The following DNAH17 variants were observed in gnomAD, a reference collection of about 807,000 sequenced individuals.
DNAH17 encodes the protein dynein axonemal heavy chain 17, also known as axonemal beta dynein heavy chain 17.
Under a neutral mutation model 485.6 loss-of-function variants are expected in DNAH17, and 376 were observed. The ratio of observed to expected loss-of-function variants is 0.77; its 90% confidence interval spans 0.71 to 0.84. The LOEUF (loss-of-function observed/expected upper bound fraction) is 0.84. Ranked by LOEUF, DNAH17 falls within the 40% of genes least tolerant of loss-of-function variation. The pLI is 0.00. For missense variants in DNAH17, 6,370 were observed against 5,839.3 expected (o/e 1.09, Z -2.96); for synonymous variants, 3,031 against 2,405.9 (o/e 1.26, Z -7.60).
At chr17:78,564,133 G>C (rs1328649428) in intron 11 of DNAH17, among the ~76,000 whole-genome samples, 1 of 152,020 alleles carries the variant, frequency 6.6e-6, no homozygotes, top group East Asian at 1.9e-4. Context: ...CTCCTCACAG[G>C]GTAGGGGCCT....
At chr17:78,473,271 G>A (rs914402415) in intron 54 of DNAH17, among the ~76,000 whole-genome samples, 2 of 152,150 alleles carry the variant, frequency 1.3e-5, no homozygotes, top group South Asian at 2.1e-4. Flanking sequence ...ATGGCCGGGC[G>A]CAGTGGCTCA....
chr17:78,553,283 GTTTTTTTTTT>G (rs60587420), intron 14 of DNAH17, among the ~76,000 whole-genome samples: 6 of 51,018 alleles, frequency 1.2e-4, no homozygotes, highest in African/African-American at 5.4e-4. Flanking sequence ...AGGTTTTTGT[GTTTTTTTTTT>G]TTTTTTTTTT....
intron 48 of DNAH17, among the ~76,000 whole-genome samples, chr17:78,481,832 T>C (rs767448050): frequency 1.5e-4 from 23 of 152,138 alleles, no homozygotes; most frequent in Middle Eastern, 3.4e-3. Flanking sequence ...CTGGCTAGCA[T>C]AGTGAAACCC....
At chr17:78,469,798 C>T (rs763886917) in intron 54 of DNAH17, among the ~76,000 whole-genome samples, 6 of 152,278 alleles carry the variant, frequency 3.9e-5, no homozygotes, top group Middle Eastern at 3.4e-3. Flanking sequence ...CAGGACATGA[C>T]GCTGAGTAAA....
intron 75 of DNAH17, among the ~76,000 whole-genome samples, chr17:78,429,667 G>A (rs1045284404): frequency 2.6e-5 from 4 of 152,124 alleles, no homozygotes; most frequent in African/African-American, 4.8e-5. Context: ...ATCGGAACTC[G>A]CTCCCTCTGC....
intron 16 of DNAH17, among the ~76,000 whole-genome samples, chr17:78,548,616 A>G (rs2091831503): frequency 6.6e-6 from 1 of 152,240 alleles, no homozygotes; most frequent in African/African-American, 2.4e-5. Context: ...ATGCTGCACA[A>G]TCTTTGAACA....
intron 14 of DNAH17, among the ~76,000 whole-genome samples, chr17:78,553,098 C>A (rs118008359): frequency 4.6e-4 from 70 of 152,128 alleles, no homozygotes; most frequent in African/African-American, 1.4e-3. Flanking sequence ...GCACCTCCCC[C>A]ACTTCTCTCT....
At position 78,501,787 on chromosome 17, in the gene DNAH17, G is replaced by C; in HGVS notation, c.5277C>G (p.Ile1759Met). The change falls in exon 34 of 81, where the codon ATC (isoleucine) becomes ATG (methionine). Residue 1759 changes from isoleucine (I) to methionine (M), a missense_variant. By Grantham distance (10) the Ile-to-Met change is conservative (BLOSUM62 1). Coordinates refer to ENST00000389840, the MANE Select transcript of DNAH17 (RefSeq NM_173628.4). Reference protein sequence around the residue: ...DRMKIMTICTIDVHARDVVAK... With the variant: ...DRMKIMTICTMDVHARDVVAK... ...CCACCACGTCCCGTGCGTGCACATC[G>C]ATGGTGCAGATGGTCATGATCTTCA... 6.2e-7 allele frequency: 1 copy of C among 1,613,938 alleles called. No homozygotes were observed. The highest frequency in any genetic ancestry group is 8.5e-7 in the Non-Finnish European group (1 of 1,179,898).
At position 78,571,026 on chromosome 17, in the gene DNAH17, C is replaced by CT; in HGVS notation, c.839dup (p.Glu281GlyfsTer46). On this transcript the variant is annotated frameshift_variant, in exon 6 of 81. Transcript: ENST00000389840. LOFTEE classifies it high-confidence loss of function. ...AATAGAGCACGATGTCGTTGGCTTCCTTCAGCCCTGCACGGAACAAGAACA... is the reference window on the plus strand; with the variant it reads ...AATAGAGCACGATGTCGTTGGCTTCCTTTCAGCCCTGCACGGAACAAGAACA... 6.4e-7 allele frequency: 1 copy of CT among 1,571,496 alleles called. No individual in the cohort carries two copies. The highest frequency in any genetic ancestry group is 8.6e-7 in the Non-Finnish European group (1 of 1,157,980).
chr17:78,481,171 T>C (rs1003308851), intron 48 of DNAH17, among the ~76,000 whole-genome samples: 29 of 150,836 alleles, frequency 1.9e-4, no homozygotes, highest in Non-Finnish European at 2.8e-4. Context: ...GGCATGATCT[T>C]GGCTCACTGC....
rs572544742 is a variant in DNAH17, at chr17:78,478,663, T to C, written c.7992+362A>G. Among the ~76,000 whole-genome samples the C allele has an allele frequency of 1.0e-3, 131 of 131,554 alleles. 3 individuals are homozygous for C. In the East Asian group the frequency reaches 0.017, roughly 17 times the overall value. 86.3% of individuals were successfully genotyped at this position (131,554 alleles called of 152,430 possible). A position where few individuals can be genotyped will look rare whatever the true frequency, so the allele number is the denominator to read the frequency against. ...TCACCATTACCATCACCACCATCAC[T>C]ACCATCACTACCACCATCATCACAA... On this transcript the variant is annotated intron_variant, in intron 51 of 80. Transcript: ENST00000389840.
intron 40 of DNAH17, 98 bp downstream of exon 40, chr17:78,494,495 C>G (rs747594549): frequency 7.5e-7 from 1 of 1,326,068 alleles, no homozygotes; most frequent in African/African-American, 1.5e-5. Flanking sequence ...GGGAAACGTG[C>G]GTGTGTGACA....
chr17:78,533,853 T>G (rs2091303886), intron 19 of DNAH17, among the ~76,000 whole-genome samples: 1 of 152,044 alleles, frequency 6.6e-6, no homozygotes, highest in Admixed American at 6.5e-5. Flanking sequence ...CCTGGCTAAT[T>G]TTTTGCATTT....
chr17:78,500,871 C>CA (rs5822248), intron 35 of DNAH17: 15,226 of 259,364 alleles, frequency 0.059, 729 homozygotes, highest in African/African-American at 0.14. Flanking sequence ...AGAGGCAGCC[C>CA]AGGTGCCTTT....
chr17:78,571,926 A>G (rs760857115), intron 3 of DNAH17, 144 bp from the exon 4 acceptor site: 25 of 728,488 alleles, frequency 3.4e-5, no homozygotes, highest in Non-Finnish European at 5.5e-5. Context: ...GCCTCCAGCC[A>G]CCTCGGGGAC....
At chr17:78,465,703 C>T (rs1366009132) in intron 56 of DNAH17, among the ~76,000 whole-genome samples, 4 of 149,124 alleles carry the variant, frequency 2.7e-5, no homozygotes, top group South Asian at 2.1e-4. Flanking sequence ...GCAACCGCCC[C>T]GTCTGAGAAG....
At chr17:78,432,945 G>A (rs920798252) in intron 75 of DNAH17, among the ~76,000 whole-genome samples, 35 of 114,008 alleles carry the variant, frequency 3.1e-4, no homozygotes, top group African/African-American at 1.2e-3. Context: ...TTCTCACCAT[G>A]TCACATCCAG....
rs1391049230 is a variant in DNAH17, at chr17:78,441,074, G to A, written c.11654C>T (p.Pro3885Leu). 4 of 1,604,394 alleles carry A rather than the reference G, an allele frequency of 2.5e-6. No individual in the cohort carries two copies. The African/African-American group carries it at 5.3e-5, about 21-fold the overall frequency. Residue 3885 changes from proline to leucine, a missense_variant, in exon 72 of 81, where the codon CCC (proline) becomes CTC (leucine). Physicochemically the swap from Pro to Leu is moderately conservative, Grantham distance 98. Transcript: ENST00000389840. The part of the protein sequence containing the change: ...IFFILSPGVD[P>L]LKDVEALGKK... ...ACCCAGGGCTTCCACGTCTTTCAAG[G>A]GGTCAACCCCCGGGGAGAGGATGAA...
chr17:78,545,003 C>T (rs1315830100), intron 16 of DNAH17, among the ~76,000 whole-genome samples: 1 of 152,082 alleles, frequency 6.6e-6, no homozygotes, highest in Non-Finnish European at 1.5e-5. Flanking sequence ...TCCCATCCCC[C>T]ACTGGAAACA....
Sources: gnomAD v4.1 joint callset for allele counts (sites outside exome capture counted in the v4.1 genomes callset) on GRCh38, gnomAD v4.1.1 for gene constraint, MANE v1.5 for transcripts, NCBI Gene and HGNC (gene_info 2026-07-23, HGNC 2026-07-21) for gene names.